The following SPIRE1 variants were observed in gnomAD, a reference collection of about 807,000 sequenced individuals.
SPIRE1 encodes spire type actin nucleation factor 1.
In SPIRE1, 40 loss-of-function variants were observed where a neutral mutation model predicts 94.1. The observed-to-expected ratio is 0.43, with a 90% confidence interval of 0.33 to 0.55. SPIRE1 has a LOEUF of 0.55. Among genes scored for constraint, SPIRE1 ranks in the 20% least tolerant of loss-of-function variants. The pLI, the probability that SPIRE1 is intolerant of heterozygous loss-of-function variation, is 0.06. For missense variants in SPIRE1, 838 were observed against 975.2 expected (o/e 0.86, Z 1.87); for synonymous variants, 376 against 371.7 (o/e 1.01, Z -0.13).
At chr18:12,457,982 C>A (rs953196738) in intron 12 of SPIRE1, among the ~76,000 whole-genome samples, 2 of 151,294 alleles carry the variant, frequency 1.3e-5, no homozygotes, top group African/African-American at 2.4e-5. Context: ...GTAGCTGGGA[C>A]GACAGGCGCC....
chr18:12,657,172 A>G (rs1314363061), intron 1 of SPIRE1, among the ~76,000 whole-genome samples: 4 of 151,268 alleles, frequency 2.6e-5, no homozygotes, highest in Non-Finnish European at 1.5e-5. Context: ...TGAGGCGCAC[A>G]GGCCGCTGGC....
intron 2 of SPIRE1, among the ~76,000 whole-genome samples, chr18:12,578,576 T>C (rs1016856963): frequency 3.3e-5 from 5 of 152,358 alleles, no homozygotes; most frequent in Non-Finnish European, 7.3e-5. Flanking sequence ...ATTTAAATTA[T>C]CAGCATTTTA....
chr18:12,558,187 T>A (rs1284626846), intron 2 of SPIRE1, among the ~76,000 whole-genome samples: 1 of 152,150 alleles, frequency 6.6e-6, no homozygotes, highest in Non-Finnish European at 1.5e-5. Context: ...CTTCAAATGT[T>A]TAGATGTGTC....
chr18:12,588,594 T>G (rs1438405203), intron 2 of SPIRE1, among the ~76,000 whole-genome samples: 2 of 129,122 alleles, frequency 1.5e-5, no homozygotes, highest in African/African-American at 5.7e-5. Flanking sequence ...AATGCTCTCC[T>G]TGTCTCACTT....
chr18:12,621,489 G>A (rs1342238398), intron 2 of SPIRE1, among the ~76,000 whole-genome samples: 3 of 152,186 alleles, frequency 2.0e-5, no homozygotes, highest in Non-Finnish European at 2.9e-5. Context: ...ATCAACTGAT[G>A]AATGGGTAAC....
At chr18:12,583,881 C>T (rs1404054882) in intron 2 of SPIRE1, among the ~76,000 whole-genome samples, 1 of 151,970 alleles carries the variant, frequency 6.6e-6, no homozygotes, top group Non-Finnish European at 1.5e-5. Flanking sequence ...AAGTCATGAT[C>T]ACGCCACTGC....
rs2035449087 is a variant in SPIRE1, at chr18:12,554,657, G to C, written c.373-7753C>G. On this transcript the variant is annotated intron_variant, in intron 2 of 16. Coordinates refer to ENST00000409402, the MANE Select transcript of SPIRE1 (RefSeq NM_001128626.2). ...CATTCTCAAAGGTGAGTAATCCCCTGACATCAAAACCAGACAAAAGACACA... is the reference window on the plus strand; with the variant it reads ...CATTCTCAAAGGTGAGTAATCCCCTCACATCAAAACCAGACAAAAGACACA... 2.6e-5 allele frequency among the ~76,000 whole-genome samples: 4 copies of C among 152,202 alleles called. No homozygotes were observed. The South Asian group carries it at 8.3e-4, about 32-fold the overall frequency.
intron 1 of SPIRE1, among the ~76,000 whole-genome samples, chr18:12,646,932 T>C (rs923401638): frequency 6.6e-6 from 1 of 151,414 alleles, no homozygotes; most frequent in African/African-American, 2.4e-5. Flanking sequence ...TAATCTCAGC[T>C]ACCATGGAGG....
At chr18:12,502,726 AT>A (rs563312946) in intron 6 of SPIRE1, among the ~76,000 whole-genome samples, 112 of 152,218 alleles carry the variant, frequency 7.4e-4, no homozygotes, top group Non-Finnish European at 1.4e-3. Flanking sequence ...TCATCATAAT[AT>A]GGATTAAAAC....
At chr18:12,661,426 G>A, upstream of SPIRE1, 1 of 848,596 alleles carries the variant, frequency 1.2e-6, no homozygotes, top group Non-Finnish European at 1.4e-6. Flanking sequence ...TGGAGTTCTA[G>A]CACCCCTGTG....
At chr18:12,580,255 G>A (rs1175398480) in intron 2 of SPIRE1, among the ~76,000 whole-genome samples, 1 of 152,154 alleles carries the variant, frequency 6.6e-6, no homozygotes, top group Non-Finnish European at 1.5e-5. Flanking sequence ...AAGGAGAAGA[G>A]GGTGTTGCAG....
At chr18:12,649,887 T>G (rs1263320507) in intron 1 of SPIRE1, among the ~76,000 whole-genome samples, 1 of 152,226 alleles carries the variant, frequency 6.6e-6, no homozygotes, top group Non-Finnish European at 1.5e-5. Context: ...AAAACTCTTG[T>G]GACCCCTCTC....
At position 12,474,780 on chromosome 18, in the gene SPIRE1, C is replaced by T. The variant is rs150561930; in HGVS notation, c.1404+4919G>A. On this transcript the variant is annotated intron_variant, in intron 10 of 16. Transcript: ENST00000409402. ...GATGCAGTGAGCTGAGGTCGCTCCA[C>T]TGTGTTCCAGCCTTGGCAATGTAGT... is the stretch of plus-strand genomic sequence containing the variant. 2.6e-4 allele frequency among the ~76,000 whole-genome samples: 39 copies of T among 152,180 alleles called. No homozygotes were observed. The East Asian group carries it at 3.9e-3, about 15-fold the overall frequency.
chr18:12,560,626 G>A (rs755763485), intron 2 of SPIRE1, among the ~76,000 whole-genome samples: 8 of 152,272 alleles, frequency 5.3e-5, no homozygotes, highest in Admixed American at 1.3e-4. Context: ...CAAGGCGGGC[G>A]GATCACTTGA....
Position 12,607,224 on chromosome 18 carries a change from G to GT in SPIRE1, c.372+27837dup, listed in dbSNP as rs572023599. ...AAGACTTTAAAAAAAATAGCAGTTC[G>GT]TTTTTTTAGAAAGACCTGTAACTGC... On this transcript the variant is annotated intron_variant, in intron 2 of 16. Coordinates refer to ENST00000409402, the MANE Select transcript of SPIRE1 (RefSeq NM_001128626.2). 2.2e-4 allele frequency among the ~76,000 whole-genome samples: 33 copies of GT among 152,174 alleles called. No individual in the cohort carries two copies. The South Asian group carries it at 5.6e-3, about 26-fold the overall frequency.
intron 2 of SPIRE1, among the ~76,000 whole-genome samples, chr18:12,572,332 G>T (rs531267326): frequency 6.6e-6 from 1 of 151,986 alleles, no homozygotes; most frequent in Non-Finnish European, 1.5e-5. Context: ...TAATAGACAG[G>T]GTCTCACTAT....
At chr18:12,536,081 T>C (rs2034832748) in intron 3 of SPIRE1, among the ~76,000 whole-genome samples, 1 of 152,164 alleles carries the variant, frequency 6.6e-6, no homozygotes, top group Non-Finnish European at 1.5e-5. Flanking sequence ...TCTACATAAT[T>C]ATACGGGAAA....
intron 7 of SPIRE1, among the ~76,000 whole-genome samples, chr18:12,494,052 A>C (rs1249867857): frequency 1.3e-5 from 2 of 151,932 alleles, no homozygotes; most frequent in African/African-American, 2.4e-5. Flanking sequence ...CAACAAGTGT[A>C]TGCCACTGCA....
chr18:12,530,234 A>G (rs1451591713), intron 4 of SPIRE1, among the ~76,000 whole-genome samples: 1 of 152,222 alleles, frequency 6.6e-6, no homozygotes, highest in Non-Finnish European at 1.5e-5. Flanking sequence ...CACTTTGCCT[A>G]CAACGTAAGA....
Sources: gnomAD v4.1 joint callset for allele counts (sites outside exome capture counted in the v4.1 genomes callset) on GRCh38, gnomAD v4.1.1 for gene constraint, MANE v1.5 for transcripts, NCBI Gene and HGNC (gene_info 2026-07-23, HGNC 2026-07-21) for gene names.